The following CR1L variants were observed in gnomAD, a reference collection of about 807,000 sequenced individuals.
CR1L encodes the protein complement component receptor 1-like protein.
A neutral mutation model predicts 62.3 loss-of-function variants in CR1L; 59 were observed. The ratio of observed to expected loss-of-function variants is 0.95; its 90% CI spans 0.77 to 1.18. CR1L has a LOEUF of 1.18. CR1L is among the 50% of genes most tolerant of loss of function. CR1L has a pLI of 0.00. For synonymous variants in CR1L, 279 were observed against 248.7 expected (o/e 1.12, Z -1.15); for missense variants, 700 against 702.8 (o/e 1.00, Z 0.04).
chr1:207,663,462 C>T (rs1663458950), intron 1 of CR1L, among the ~76,000 whole-genome samples: 1 of 152,224 alleles, frequency 6.6e-6, no homozygotes, highest in Admixed American at 6.5e-5. Flanking sequence ...GATATAATCT[C>T]CTGGTGTGCC....
At chr1:207,696,856 T>C (rs958326243) in intron 5 of CR1L, among the ~76,000 whole-genome samples, 3 of 152,240 alleles carry the variant, frequency 2.0e-5, no homozygotes, top group Non-Finnish European at 4.4e-5. Flanking sequence ...CTCATTATGG[T>C]GACAGTAGGT....
intron 5 of CR1L, among the ~76,000 whole-genome samples, chr1:207,695,693 T>A (rs1664067841): frequency 2.0e-5 from 3 of 152,158 alleles, no homozygotes; most frequent in Admixed American, 1.3e-4. Flanking sequence ...TTTAATTAAC[T>A]CTCAGTTCTG....
chr1:207,655,229 TA>T, intron 1 of CR1L: 1 of 692,324 alleles, frequency 1.4e-6, no homozygotes, highest in Non-Finnish European at 2.5e-6. Context: ...ATTGTGAACT[TA>T]AAGGATCAGT....
chr1:207,697,830 A>C lies in CR1L; in HGVS notation c.1099A>C (p.Asn367His). The C allele has an allele frequency of 6.2e-7, 1 of 1,613,970 alleles. No individual in the cohort carries two copies. Reference protein sequence around the residue: ...LPNGHVLFPLNLQLGAKVDFV... With the variant: ...LPNGHVLFPLHLQLGAKVDFV... ...TAATGGCCATGTGCTATTTCCACTT[A>C]ATCTCCAGCTTGGAGCAAAAGTGGA... The change falls in exon 7 of 12, where the codon AAT becomes CAT. Residue 367 changes from asparagine (N) to histidine (H), a missense_variant. Physicochemically the swap from Asn to His is moderately conservative, Grantham distance 68 (BLOSUM62 1). Transcript: ENST00000508064.
intron 11 of CR1L, among the ~76,000 whole-genome samples, chr1:207,721,522 C>T (rs1431112446): frequency 6.6e-6 from 1 of 150,992 alleles, no homozygotes; most frequent in Non-Finnish European, 1.5e-5. Context: ...GACATGAACT[C>T]ATCATTTTTT....
chr1:207,689,411 T>C lies in CR1L; in HGVS notation c.464-4942T>C, dbSNP rs1663963572. Among the ~76,000 whole-genome samples, 3 of 151,788 alleles carry C rather than the reference T, an allele frequency of 2.0e-5. 1 individual carries two copies. The South Asian group carries it at 6.3e-4, about 32-fold the overall frequency. ...GTGTGCAGGATTGCTCATATTTTTATTGTAACGTTGTAACATTGATTTAAT... is the reference window on the plus strand; with the variant it reads ...GTGTGCAGGATTGCTCATATTTTTACTGTAACGTTGTAACATTGATTTAAT... On this transcript the variant is annotated intron_variant, in intron 4 of 11. Coordinates refer to ENST00000508064, the MANE Select transcript of CR1L (RefSeq NM_175710.2).
At chr1:207,709,546 G>A (rs1457745608) in intron 10 of CR1L, among the ~76,000 whole-genome samples, 2 of 152,006 alleles carry the variant, frequency 1.3e-5, no homozygotes, top group African/African-American at 2.4e-5. Flanking sequence ...ATATAAATGT[G>A]TACTATAGGC....
At chr1:207,671,344 A>T (rs1474768558) in intron 1 of CR1L, among the ~76,000 whole-genome samples, 1 of 151,020 alleles carries the variant, frequency 6.6e-6, no homozygotes, top group Non-Finnish European at 1.5e-5. Context: ...GTGAGGGAAA[A>T]GAGTATGACT....
intron 1 of CR1L, among the ~76,000 whole-genome samples, chr1:207,651,231 TAAGTC>T (rs1042436048): frequency 1.1e-4 from 17 of 152,158 alleles, no homozygotes; most frequent in African/African-American, 3.9e-4. Context: ...CTAGAAAAAA[TAAGTC>T]AAGATACTGT....
chr1:207,669,620 C>A lies in CR1L; in HGVS notation c.98-7769C>A, dbSNP rs904088257. The A allele has an allele frequency of 2.8e-6, 3 of 1,086,844 alleles. No homozygotes were observed. In the African/African-American group the frequency reaches 4.9e-5, roughly 18 times the overall value. The allele number at this position is 1,086,844 out of a possible 1,614,324, so 67.3% of individuals were successfully genotyped here. ...CCGGGCTGACGAGGCACCCAGGGCC[C>A]CGCAGAGAACTCGCGTGCCGCGCTG... is the stretch of plus-strand genomic sequence containing the variant. On this transcript the variant is annotated intron_variant, in intron 1 of 11. Transcript: ENST00000508064.
At chr1:207,718,667 C>G (rs2985104) in intron 11 of CR1L, among the ~76,000 whole-genome samples, 1 of 151,694 alleles carries the variant, frequency 6.6e-6, no homozygotes, top group Non-Finnish European at 1.5e-5. Context: ...AGGTAATCCA[C>G]CTGCCTCGAC....
At chr1:207,723,289 G>A (rs1278904349) in intron 11 of CR1L, among the ~76,000 whole-genome samples, 1 of 152,010 alleles carries the variant, frequency 6.6e-6, no homozygotes, top group African/African-American at 2.4e-5. Flanking sequence ...AATTAGCTGG[G>A]TGTGGTAGCA....
At position 207,710,622 on chromosome 1, in the gene CR1L, T is replaced by C; in HGVS notation, c.1414+2359T>C. 3 of 1,610,032 alleles carry C rather than the reference T, an allele frequency of 1.9e-6. No individual in the cohort carries two copies. In the South Asian group the frequency reaches 3.3e-5, roughly 18 times the overall value. On this transcript the variant is annotated intron_variant, in intron 10 of 11. Coordinates refer to ENST00000508064, the MANE Select transcript of CR1L (RefSeq NM_175710.2). Reference sequence around the variant, plus strand: ...CCTAACAAATGCACACCTCCAAATGTGGAAAATGGAATATTGGTGTCTGAC... The same window carrying C: ...CCTAACAAATGCACACCTCCAAATGCGGAAAATGGAATATTGGTGTCTGAC...
At chr1:207,670,789 A>C (rs1663599934) in intron 1 of CR1L, among the ~76,000 whole-genome samples, 1 of 151,124 alleles carries the variant, frequency 6.6e-6, no homozygotes. Context: ...TTAGGAGAGA[A>C]GCATGCCCAG....
At chr1:207,688,578 A>G (rs1474046502) in intron 4 of CR1L, among the ~76,000 whole-genome samples, 3 of 152,204 alleles carry the variant, frequency 2.0e-5, no homozygotes, top group South Asian at 2.1e-4. Context: ...GCATTACCAT[A>G]TAAAATTTAG....
At chr1:207,697,904 A>T in intron 7 of CR1L, 31 bp downstream of exon 7, 4 of 1,613,554 alleles carry the variant, frequency 2.5e-6, no homozygotes, top group Non-Finnish European at 3.4e-6. Context: ...CCTGCTGGAC[A>T]TTGAAATTGG....
intron 3 of CR1L, among the ~76,000 whole-genome samples, chr1:207,683,458 T>C (rs953169305): frequency 5.3e-5 from 8 of 152,184 alleles, no homozygotes; most frequent in African/African-American, 1.9e-4. Flanking sequence ...ATCTTACTGA[T>C]AAAAGCCCAT....
At chr1:207,660,665 G>A (rs1359894447) in intron 1 of CR1L, among the ~76,000 whole-genome samples, 5 of 152,122 alleles carry the variant, frequency 3.3e-5, no homozygotes, top group African/African-American at 4.8e-5. Context: ...TCTGATCTTA[G>A]TTATTTCTTG....
chr1:207,707,533 C>G (rs369969579), intron 9 of CR1L, among the ~76,000 whole-genome samples: 3 of 152,080 alleles, frequency 2.0e-5, no homozygotes, highest in East Asian at 3.9e-4. Flanking sequence ...GAGGATGAGT[C>G]AGGAGAATTG....
Sources: gnomAD v4.1 joint callset for allele counts (sites outside exome capture counted in the v4.1 genomes callset) on GRCh38, gnomAD v4.1.1 for gene constraint, MANE v1.5 for transcripts, NCBI Gene and HGNC (gene_info 2026-07-23, HGNC 2026-07-21) for gene names.